Variants in SAMD12 observed in about 807,000 individuals in gnomAD.
SAMD12 encodes the protein sterile alpha motif domain-containing protein 12.
Under a neutral mutation model 15.0 loss-of-function variants are expected in SAMD12, and 9 were observed. The observed-to-expected ratio is 0.60, with a 90% CI of 0.36 to 1.05. The LOEUF is 1.05. Among genes scored for constraint, SAMD12 ranks in the 50% least tolerant of loss-of-function variants. SAMD12 has a pLI of 0.01. For synonymous variants in SAMD12, 86 were observed against 90.1 expected, an observed-to-expected ratio of 0.96 and a Z score of 0.25; for missense variants, 230 against 234.2, an observed-to-expected ratio of 0.98 and a Z score of 0.12.
At chr8:118,603,600 C>T (rs1023454841) in intron 1 of SAMD12, among the ~76,000 whole-genome samples, 4 of 152,160 alleles carry the variant, frequency 2.6e-5, no homozygotes, top group African/African-American at 9.7e-5. Flanking sequence ...TGCTTCCCAG[C>T]TAGCTTTTCT....
chr8:118,277,507 G>A (rs1191450870), intron 4 of SAMD12, among the ~76,000 whole-genome samples: 3 of 150,842 alleles, frequency 2.0e-5, no homozygotes, highest in Admixed American at 1.3e-4. Flanking sequence ...ATTTCCTTAT[G>A]TAGTTTTAAC....
chr8:118,232,807 G>A (rs1248329540), intron 4 of SAMD12, among the ~76,000 whole-genome samples: 1 of 152,138 alleles, frequency 6.6e-6, no homozygotes, highest in Non-Finnish European at 1.5e-5. Context: ...GGCTCTCAGG[G>A]TGTTGCCAGC....
intron 2 of SAMD12, among the ~76,000 whole-genome samples, chr8:118,520,654 G>A (rs1825364041): frequency 6.6e-6 from 1 of 152,170 alleles, no homozygotes; most frequent in Non-Finnish European, 1.5e-5. Flanking sequence ...AAAGTAATCA[G>A]AAAATCAGGT....
intron 2 of SAMD12, among the ~76,000 whole-genome samples, chr8:118,458,949 T>C (rs1410986133): frequency 8.0e-5 from 5 of 62,344 alleles, no homozygotes; most frequent in Non-Finnish European, 1.7e-4. Flanking sequence ...TTCAGCTATA[T>C]ATGTGTGTGT....
intron 4 of SAMD12, among the ~76,000 whole-genome samples, chr8:118,361,711 A>G (rs1311704775): frequency 6.6e-6 from 1 of 152,192 alleles, no homozygotes; most frequent in Non-Finnish European, 1.5e-5. Flanking sequence ...AAATATGTAT[A>G]TTTATATGCA....
intron 4 of SAMD12, among the ~76,000 whole-genome samples, chr8:118,243,079 T>C (rs1345214057): frequency 6.6e-6 from 1 of 151,980 alleles, no homozygotes; most frequent in Non-Finnish European, 1.5e-5. Context: ...TTGACTAGGG[T>C]AGTAGGTAAG....
chr8:118,179,447 A>C, the SAMD12 span, among the ~76,000 whole-genome samples: 6 of 151,996 alleles, frequency 3.9e-5, no homozygotes, highest in Non-Finnish European at 7.4e-5. Context: ...CCGAAAAAAA[A>C]AAAAAAAAAA....
intron 4 of SAMD12, among the ~76,000 whole-genome samples, chr8:118,286,155 C>G (rs532178099): frequency 8.7e-6 from 1 of 114,956 alleles, no homozygotes; most frequent in African/African-American, 3.6e-5. Context: ...CATCACACAC[C>G]GGGGCCTGTT....
intron 1 of SAMD12, among the ~76,000 whole-genome samples, chr8:118,596,818 A>T (rs1232404476): frequency 6.6e-6 from 1 of 152,244 alleles, no homozygotes; most frequent in Non-Finnish European, 1.5e-5. Flanking sequence ...ACGAAAACTA[A>T]GAAACTAGCA....
intron 4 of SAMD12, among the ~76,000 whole-genome samples, chr8:118,355,113 C>T (rs974199854): frequency 1.7e-4 from 26 of 152,298 alleles, no homozygotes; most frequent in African/African-American, 6.3e-4. Flanking sequence ...GTGTAATTTG[C>T]AATTGCAAAA....
At chr8:118,475,096 G>A (rs1008584611) in intron 2 of SAMD12, among the ~76,000 whole-genome samples, 14 of 152,170 alleles carry the variant, frequency 9.2e-5, no homozygotes, top group Admixed American at 1.3e-4. Flanking sequence ...AAAATTAGCC[G>A]GGCATGGTGA....
At chr8:118,449,617 A>G (rs916922192) in intron 2 of SAMD12, among the ~76,000 whole-genome samples, 13 of 150,750 alleles carry the variant, frequency 8.6e-5, no homozygotes, top group African/African-American at 2.9e-4. Context: ...TGAGACCACA[A>G]TGAAACCCCG....
chr8:118,529,041 G>A (rs900989649), intron 2 of SAMD12, among the ~76,000 whole-genome samples: 2 of 152,172 alleles, frequency 1.3e-5, no homozygotes, highest in Non-Finnish European at 2.9e-5. Flanking sequence ...TGGTCCTCTG[G>A]CAAGAAATTG....
Position 118,619,579 on chromosome 8 carries a change from C to A in SAMD12, c.13+2225G>T, listed in dbSNP as rs538793650. Among the ~76,000 whole-genome samples the A allele has an allele frequency of 4.8e-4, 73 of 151,964 alleles. No homozygotes were observed. The South Asian group carries it at 0.014, about 30-fold the overall frequency. ...GAAAGCCCCATGTACCCTTATAGAA[C>A]CAGTTACAAAACCTCCATGAATATA... is the stretch of plus-strand genomic sequence containing the variant. On this transcript the variant is annotated intron_variant, in intron 1 of 3. Transcript: ENST00000314727.
intron 4 of SAMD12, among the ~76,000 whole-genome samples, chr8:118,213,864 T>C (rs1433463432): frequency 6.6e-6 from 1 of 152,130 alleles, no homozygotes; most frequent in South Asian, 2.1e-4. Context: ...TAGGACTATA[T>C]CATGAGATGA....
chr8:118,418,710 C>T (rs1327039403), intron 3 of SAMD12, among the ~76,000 whole-genome samples: 2 of 144,530 alleles, frequency 1.4e-5, no homozygotes, highest in Non-Finnish European at 3.0e-5. Context: ...CAGAGCAAGA[C>T]TCCGTCTCAA....
intron 4 of SAMD12, among the ~76,000 whole-genome samples, chr8:118,268,605 G>T (rs1410509357): frequency 1.3e-5 from 2 of 151,808 alleles, no homozygotes; most frequent in Non-Finnish European, 1.5e-5. Flanking sequence ...ACCTGAGGTT[G>T]GGAGTTCAAG....
intron 4 of SAMD12, among the ~76,000 whole-genome samples, chr8:118,228,808 A>C (rs1812240633): frequency 6.6e-6 from 1 of 152,194 alleles, no homozygotes; most frequent in South Asian, 2.1e-4. Context: ...GAGGAAAAAA[A>C]GTCATTATTC....
At chr8:118,616,288 G>A (rs1439473672) in intron 1 of SAMD12, among the ~76,000 whole-genome samples, 1 of 152,046 alleles carries the variant, frequency 6.6e-6, no homozygotes, top group African/African-American at 2.4e-5. Flanking sequence ...AGTTACTGTG[G>A]GAATCAAAAG....
Sources: allele counts gnomAD v4.1 joint callset (sites outside exome capture counted in the v4.1 genomes callset), GRCh38; gene constraint gnomAD v4.1.1; transcripts MANE v1.5; gene names NCBI Gene and HGNC (gene_info 2026-07-23, HGNC 2026-07-21).